PHF24: variants seen among roughly 807,000 people sequenced by gnomAD.
PHF24 encodes the protein PHD finger protein 24, also known as Galpha inhibitory interacting protein.
Under a neutral mutation model 42.6 loss-of-function variants are expected in PHF24, and 25 were observed. The observed-to-expected ratio is 0.59, with a 90% confidence interval of 0.43 to 0.82. The LOEUF (loss-of-function observed/expected upper bound fraction) is 0.82, where lower values mean the gene tolerates loss of function less well. Ranked by LOEUF, PHF24 falls within the 40% of genes least tolerant of loss-of-function variation. The pLI is 0.00. For missense variants in PHF24, 470 were observed against 538.1 expected, an observed-to-expected ratio of 0.87 and a Z score of 1.25; for synonymous variants, 185 against 204.8, an observed-to-expected ratio of 0.90 and a Z score of 0.83.
At chr9:34,889,848 C>G in the PHF24 span, among the ~76,000 whole-genome samples, 1 of 152,256 alleles carries the variant, frequency 6.6e-6, no homozygotes, top group East Asian at 1.9e-4. Flanking sequence ...AAGTAATGGC[C>G]CAGTAAGTTG....
the PHF24 span, among the ~76,000 whole-genome samples, chr9:34,850,641 G>A: frequency 6.6e-6 from 1 of 152,286 alleles, no homozygotes; most frequent in South Asian, 2.1e-4. Flanking sequence ...TCCATTGCTG[G>A]TGAGGAGCTG....
chr9:34,709,278 G>T, the PHF24 span: 1 of 1,243,222 alleles, frequency 8.0e-7, no homozygotes, highest in Non-Finnish European at 1.2e-6. Flanking sequence ...GGCAAGGCCA[G>T]CATGGGGTGG....
exon 5 of PHF24, chr9:34,976,602 C>G: frequency 6.2e-7 from 1 of 1,614,196 alleles, no homozygotes; most frequent in Non-Finnish European, 8.5e-7. Flanking sequence ...GGGACCGTGA[C>G]AGGGCCCTGA....
chr9:34,922,611 AC>A, the PHF24 span: 1 of 986,282 alleles, frequency 1.0e-6, no homozygotes, highest in African/African-American at 1.6e-5. Flanking sequence ...GGGATCAAGA[AC>A]TTTTCCAAAA....
chr9:34,871,448 G>T, the PHF24 span, among the ~76,000 whole-genome samples: 1 of 151,938 alleles, frequency 6.6e-6, no homozygotes, highest in Admixed American at 6.6e-5. Flanking sequence ...TTTTAATGAC[G>T]TCCAGCTTAT....
the PHF24 span, among the ~76,000 whole-genome samples, chr9:34,855,014 C>CTAAA: frequency 6.6e-6 from 1 of 152,182 alleles, no homozygotes; most frequent in Admixed American, 6.5e-5. Context: ...GAATTGAATG[C>CTAAA]TTTACCATAT....
chr9:34,922,393 A>T, the PHF24 span: 1 of 1,428,868 alleles, frequency 7.0e-7, no homozygotes, highest in Admixed American at 1.7e-5. Flanking sequence ...TCATAATAGA[A>T]CACGGAGAAG....
chr9:34,827,194 C>G, the PHF24 span, among the ~76,000 whole-genome samples: 6 of 152,210 alleles, frequency 3.9e-5, no homozygotes, highest in Non-Finnish European at 2.9e-5. Flanking sequence ...CTACCTGATG[C>G]TGCTGTGACC....
chr9:34,865,957 C>T, the PHF24 span, among the ~76,000 whole-genome samples: 1 of 152,210 alleles, frequency 6.6e-6, no homozygotes, highest in African/African-American at 2.4e-5. Context: ...GCTAGCAAGT[C>T]ACAAGTAATA....
the PHF24 span, among the ~76,000 whole-genome samples, chr9:34,814,171 C>T: frequency 1.3e-5 from 2 of 152,170 alleles, no homozygotes; most frequent in African/African-American, 4.8e-5. Context: ...TTGTGGGGGT[C>T]TTTGTTAATT....
the PHF24 span, chr9:34,723,717 G>C: frequency 6.4e-7 from 1 of 1,551,710 alleles, no homozygotes; most frequent in Non-Finnish European, 8.7e-7. Flanking sequence ...GCCTGAGTTG[G>C]TTGGCTCAGG....
chr9:34,887,175 A>G, the PHF24 span, among the ~76,000 whole-genome samples: 1 of 152,054 alleles, frequency 6.6e-6, no homozygotes, highest in East Asian at 1.9e-4. Flanking sequence ...TATTGTCTCT[A>G]CCTTCAAAGT....
the PHF24 span, among the ~76,000 whole-genome samples, chr9:34,896,055 C>A: frequency 2.6e-5 from 4 of 152,264 alleles, no homozygotes; most frequent in Non-Finnish European, 5.9e-5. Flanking sequence ...GCTTAGCTCT[C>A]CCCTTTACTA....
At chr9:34,845,803 T>G in the PHF24 span, among the ~76,000 whole-genome samples, 1 of 133,564 alleles carries the variant, frequency 7.5e-6, no homozygotes, top group Non-Finnish European at 1.5e-5. Context: ...CCTGTGTCCA[T>G]GTGTTCTCAT....
At chr9:34,841,696 A>T in the PHF24 span, among the ~76,000 whole-genome samples, 3 of 152,122 alleles carry the variant, frequency 2.0e-5, no homozygotes, top group Non-Finnish European at 4.4e-5. Context: ...TGTCTCTACT[A>T]AAAATACAAA....
intron 1 of PHF24, among the ~76,000 whole-genome samples, chr9:34,962,744 T>C (rs574704463): frequency 6.6e-5 from 10 of 152,228 alleles, no homozygotes; most frequent in Admixed American, 5.9e-4. Flanking sequence ...CAATCACTGA[T>C]GGTGTGATGT....
chr9:34,874,800 T>A, the PHF24 span, among the ~76,000 whole-genome samples: 3 of 152,092 alleles, frequency 2.0e-5, no homozygotes, highest in Admixed American at 6.6e-5. Context: ...TTCTTAAATT[T>A]TTATTATTAT....
the PHF24 span, chr9:34,726,527 G>A: frequency 0.17 from 271,387 of 1,551,218 alleles, 26,503 homozygotes; most frequent in African/African-American, 0.37. Flanking sequence ...GTTGCTCTGC[G>A]TCATCTCCTC....
chr9:34,907,479 C>T, the PHF24 span, among the ~76,000 whole-genome samples: 1 of 152,188 alleles, frequency 6.6e-6, no homozygotes, highest in Non-Finnish European at 1.5e-5. Context: ...ATAGACCCTT[C>T]TAAAGGTGAA....
Sources: gnomAD v4.1 joint callset for allele counts (sites outside exome capture counted in the v4.1 genomes callset) on GRCh38, gnomAD v4.1.1 for gene constraint, MANE v1.5 for transcripts, NCBI Gene and HGNC (gene_info 2026-07-23, HGNC 2026-07-21) for gene names.